Variants in LAMA2 observed in about 807,000 individuals in gnomAD.
The protein encoded by LAMA2 is laminin subunit alpha 2.
In LAMA2, 269 loss-of-function variants were observed where a neutral mutation model predicts 364.8. The ratio of observed to expected loss-of-function variants is 0.74; its 90% CI spans 0.67 to 0.82. LAMA2 has a LOEUF of 0.82. Among genes scored for constraint, LAMA2 ranks in the 40% least tolerant of loss-of-function variants. The probability of loss-of-function intolerance (pLI) is 0.00; values close to 1 mark genes in which losing one functional copy is unlikely to be tolerated. For missense variants in LAMA2, 3,807 were observed against 3,873.2 expected (o/e 0.98, Z 0.45); for synonymous variants, 1,379 against 1,370.6 (o/e 1.01, Z -0.14).
At chr6:129,085,157 G>A (rs1774302256) in intron 3 of LAMA2, among the ~76,000 whole-genome samples, 1 of 152,136 alleles carries the variant, frequency 6.6e-6, no homozygotes, top group South Asian at 2.1e-4. Flanking sequence ...TGTTTTCTAA[G>A]ATTTGCTTCT....
chr6:129,338,756 G>A (rs540313237), intron 29 of LAMA2, among the ~76,000 whole-genome samples: 6 of 152,304 alleles, frequency 3.9e-5, no homozygotes, highest in Non-Finnish European at 8.8e-5. Context: ...GTTTCTCAGA[G>A]AAAGTGACAT....
intron 9 of LAMA2, among the ~76,000 whole-genome samples, chr6:129,173,319 A>G (rs1780343172): frequency 6.6e-6 from 1 of 152,210 alleles, no homozygotes; most frequent in South Asian, 2.1e-4. Context: ...TGTATCATTC[A>G]CAACACCTCC....
intron 3 of LAMA2, among the ~76,000 whole-genome samples, chr6:129,069,407 A>G (rs1773156165): frequency 6.7e-6 from 1 of 148,288 alleles, no homozygotes; most frequent in Admixed American, 6.8e-5. Context: ...TATATAACTA[A>G]TATACAATTA....
chr6:129,191,780 C>G (rs1781535467), intron 11 of LAMA2, among the ~76,000 whole-genome samples: 1 of 152,130 alleles, frequency 6.6e-6, no homozygotes, highest in Non-Finnish European at 1.5e-5. Context: ...ATAGAGTCAC[C>G]CTTAGCATTC....
At chr6:129,081,600 G>A (rs1774061910) in intron 3 of LAMA2, among the ~76,000 whole-genome samples, 1 of 152,098 alleles carries the variant, frequency 6.6e-6, no homozygotes, top group Non-Finnish European at 1.5e-5. Flanking sequence ...CACTGTGCTG[G>A]AAGATTTGAG....
chr6:129,161,216 C>T (rs963475762), intron 8 of LAMA2, among the ~76,000 whole-genome samples: 1 of 152,104 alleles, frequency 6.6e-6, no homozygotes, highest in African/African-American at 2.4e-5. Context: ...CAGCAGTTTT[C>T]ATATGCTTAC....
In LAMA2 at chr6:129,353,330, C is replaced by T; in HGVS notation, c.4690C>T (p.His1564Tyr). 2 of 1,614,004 alleles carry T rather than the reference C, an allele frequency of 1.2e-6. No homozygotes were observed. The highest frequency in any genetic ancestry group is 1.7e-6 in the Non-Finnish European group (2 of 1,179,988). Reference protein sequence around the residue: ...GRKCDGCKHWHAREGWECVFC... With the variant: ...GRKCDGCKHWYAREGWECVFC... The stretch of plus-strand genomic sequence containing the variant: ...GAAGTGTGACGGCTGCAAGCACTGG[C>T]ATGCACGCGAGGGCTGGGAGTGTGT... Residue 1564 changes from histidine (H) to tyrosine (Y), a missense_variant, in exon 32 of 65, where the codon CAT becomes TAT. Around this residue, in one of 3 missense-constraint regions of LAMA2, gnomAD observed 3,333 missense variants for 3,345.7 expected, o/e 1.00. Transcript: ENST00000421865.
In LAMA2 at chr6:129,291,376, A is replaced by G. The variant is rs17741401; in HGVS notation, c.2750-238A>G. Among the ~76,000 whole-genome samples, 7,347 of 152,258 alleles carry G rather than the reference A, an allele frequency of 0.048. 241 individuals are homozygous for G. The highest frequency in any genetic ancestry group is 0.076 in the Non-Finnish European group (5,194 of 68,008). ...TGATGATGATGACATTAATATTTTA[A>G]TGGCATATGATGGGCCAGACATGAT... is the stretch of plus-strand genomic sequence containing the variant. On this transcript the variant is annotated intron_variant, in intron 19 of 64. Transcript: ENST00000421865.
intron 1 of LAMA2, among the ~76,000 whole-genome samples, chr6:128,996,182 T>C (rs1783929408): frequency 6.6e-6 from 1 of 152,136 alleles, no homozygotes; most frequent in African/African-American, 2.4e-5. Context: ...GTGAATGCTG[T>C]GCATGGAGGT....
intron 12 of LAMA2, among the ~76,000 whole-genome samples, chr6:129,223,312 A>G (rs1583285811): frequency 1.3e-5 from 2 of 151,600 alleles, no homozygotes; most frequent in South Asian, 4.2e-4. Context: ...CTCTGATGGT[A>G]GTTTCTTTTG....
intron 12 of LAMA2, among the ~76,000 whole-genome samples, chr6:129,213,165 T>C (rs1281878057): frequency 6.6e-6 from 1 of 152,224 alleles, no homozygotes; most frequent in Non-Finnish European, 1.5e-5. Context: ...CACTTAGCAA[T>C]ATGCCTGTAA....
chr6:128,990,562 G>C (rs1021089680), intron 1 of LAMA2, among the ~76,000 whole-genome samples: 2 of 152,190 alleles, frequency 1.3e-5, no homozygotes, highest in African/African-American at 4.8e-5. Flanking sequence ...AGAGTTTTGT[G>C]TCTGGGAAGA....
intron 30 of LAMA2, among the ~76,000 whole-genome samples, chr6:129,346,527 A>G (rs1183908878): frequency 6.6e-6 from 1 of 152,022 alleles, no homozygotes; most frequent in East Asian, 1.9e-4. Context: ...CTATGAATAA[A>G]AGATAAAAGA....
At chr6:129,173,134 G>C (rs2115008187) in intron 9 of LAMA2, among the ~76,000 whole-genome samples, 1 of 152,346 alleles carries the variant, frequency 6.6e-6, no homozygotes, top group East Asian at 1.9e-4. Flanking sequence ...ACCGTCTTCT[G>C]CGTCGCTCAC....
Position 129,516,216 on chromosome 6 carries a change from A to G in LAMA2, c.9238A>G (p.Thr3080Ala). 1.2e-6 allele frequency: 2 copies of G among 1,614,114 alleles called. No homozygotes were observed. The highest frequency in any genetic ancestry group is 1.7e-6 in the Non-Finnish European group (2 of 1,180,006). ...PDDLKQFGLT[T>A]SIPFRGCIRS... is the part of the protein sequence containing the mutation. ...TGACCTCAAGCAGTTTGGCCTAACA[A>G]CCAGTATTCCGTTCCGAGGTTGCAT... The change falls in exon 65 of 65, where the codon ACC becomes GCC. Residue 3080 changes from threonine (T) to alanine (A), a missense_variant. Physicochemically the swap from Thr to Ala is moderately conservative, Grantham distance 58 (BLOSUM62 0). Transcript: ENST00000421865.
intron 1 of LAMA2, among the ~76,000 whole-genome samples, chr6:128,998,449 G>T (rs559918194): frequency 1.4e-5 from 1 of 69,904 alleles, no homozygotes; most frequent in African/African-American, 1.3e-4. Flanking sequence ...TGTGAGCGAC[G>T]CAGAAGACGG....
chr6:129,286,967 A>AG (rs1789286576), intron 18 of LAMA2, among the ~76,000 whole-genome samples: 1 of 104,354 alleles, frequency 9.6e-6, no homozygotes, highest in Non-Finnish European at 1.8e-5. Context: ...CAAAGAAAGA[A>AG]AGAAACAGAG....
At chr6:128,910,732 G>A (rs1360062832) in intron 1 of LAMA2, among the ~76,000 whole-genome samples, 1 of 151,790 alleles carries the variant, frequency 6.6e-6, no homozygotes, top group African/African-American at 2.4e-5. Flanking sequence ...AGAGTTTCCA[G>A]TTTTTCTGTT....
rs780173189 is a variant in LAMA2, at chr6:129,177,825, A to G, written c.1426A>G (p.Ser476Gly). Residue 476 changes from serine (S) to glycine (G), a missense_variant, in exon 10 of 65, where the codon AGC (serine) becomes GGC (glycine). By Grantham distance (56) the Ser-to-Gly change is moderately conservative (BLOSUM62 0). Coordinates refer to ENST00000421865, the MANE Select transcript of LAMA2 (RefSeq NM_000426.4). ...CKACNCSGLG[S>G]KNEDPCFGPC... Reference sequence around the variant, plus strand: ...AGCCTGTAACTGCAGTGGGTTAGGGAGCAAAAATGAGGATCCTTGTTTTGG... The same window carrying G: ...AGCCTGTAACTGCAGTGGGTTAGGGGGCAAAAATGAGGATCCTTGTTTTGG... The G allele has an allele frequency of 6.2e-7, 1 of 1,613,952 alleles. No individual in the cohort carries two copies. The highest frequency in any genetic ancestry group is 1.1e-5 in the South Asian group (1 of 91,082).
Sources: allele counts gnomAD v4.1 joint callset (sites outside exome capture counted in the v4.1 genomes callset), GRCh38; gene constraint gnomAD v4.1.1; regional missense constraint gnomAD v4.1.1; transcripts MANE v1.5; gene names NCBI Gene and HGNC (gene_info 2026-07-23, HGNC 2026-07-21).